The following WNK2 variants were observed in gnomAD, a reference collection of about 807,000 sequenced individuals.
The protein encoded by WNK2 is serine/threonine-protein kinase WNK2.
Under a neutral mutation model 192.1 loss-of-function variants are expected in WNK2, and 67 were observed. The ratio of observed to expected loss-of-function variants is 0.35; its 90% CI spans 0.29 to 0.43. The LOEUF is 0.43. WNK2 is among the 20% of genes least tolerant of loss of function. The pLI is 1.00. For missense variants in WNK2, 2,698 were observed against 3,089.7 expected, an observed-to-expected ratio of 0.87 and a Z score of 3.01; for synonymous variants, 1,439 against 1,393.9, an observed-to-expected ratio of 1.03 and a Z score of -0.72.
chr9:93,211,145 C>CTCAT (rs1345936691), intron 2 of WNK2, among the ~76,000 whole-genome samples: 36 of 151,656 alleles, frequency 2.4e-4, no homozygotes, highest in Admixed American at 4.6e-4. Context: ...CATCCACTCA[C>CTCAT]TTATTCACTC....
Position 93,215,391 on chromosome 9 carries a change from C to T in WNK2, c.682-14305C>T, listed in dbSNP as rs191124652. ...TCCCATAGTGCTGGGATTACAGGCG[C>T]ATGAGCCACTGCACCTGGCCTTATT... On this transcript the variant is annotated intron_variant, in intron 2 of 29. Coordinates refer to ENST00000427277, the MANE Select transcript of WNK2 (RefSeq NM_006648.4). Among the ~76,000 whole-genome samples, 151 of 152,210 alleles carry T rather than the reference C, an allele frequency of 9.9e-4. 1 individual carries two copies. The highest frequency in any genetic ancestry group is 3.4e-3 in the Middle Eastern group (1 of 294).
At chr9:93,250,070 C>T (rs770781396) in intron 8 of WNK2, among the ~76,000 whole-genome samples, 18 of 151,870 alleles carry the variant, frequency 1.2e-4, no homozygotes, top group Non-Finnish European at 1.9e-4. Flanking sequence ...TGTGCCACCA[C>T]GCCCAGCTAA....
rs567016621 is a variant in WNK2, at chr9:93,280,687, T to C, written c.4034-8101T>C. Among the ~76,000 whole-genome samples, 19 of 152,336 alleles carry C rather than the reference T, an allele frequency of 1.2e-4. No homozygotes were observed. In the East Asian group the frequency reaches 3.7e-3, roughly 29 times the overall value. ...TTTCATCTTCATTGAAGTCAGATCC[T>C]TTCCCCAGGATTTGAGGCTGGGGCT... On this transcript the variant is annotated intron_variant, in intron 19 of 29. Coordinates refer to ENST00000427277, the MANE Select transcript of WNK2 (RefSeq NM_006648.4).
At position 93,298,047 on chromosome 9, in the gene WNK2, A is replaced by G; in HGVS notation, c.5903A>G (p.Lys1968Arg). The change falls in exon 24 of 30, where the codon AAG (lysine) becomes AGG (arginine). Residue 1968 changes from lysine to arginine, a missense_variant. By Grantham distance (26) the Lys-to-Arg change is conservative (BLOSUM62 2). Around this residue, in one of 7 missense-constraint regions of WNK2, gnomAD observed 1,098 missense variants for 1,101.0 expected, o/e 1.00. Transcript: ENST00000427277. ...CTAAATCCCCTGGTGCGGCAGCTCAAGGTCGTGGCCTCCAGCACAGGTCGG... is the reference window on the plus strand; with the variant it reads ...CTAAATCCCCTGGTGCGGCAGCTCAGGGTCGTGGCCTCCAGCACAGGTCGG... Reference protein sequence around the residue: ...KLLNPLVRQLKVVASSTGHLA... With the variant: ...KLLNPLVRQLRVVASSTGHLA... 1 of 1,550,932 alleles carries G rather than the reference A, an allele frequency of 6.4e-7. No individual in the cohort carries two copies. The highest frequency in any genetic ancestry group is 1.4e-5 in the African/African-American group (1 of 73,218).
At chr9:93,304,729 ACT>A (rs1375067047) in intron 26 of WNK2, among the ~76,000 whole-genome samples, 1 of 152,190 alleles carries the variant, frequency 6.6e-6, no homozygotes, top group East Asian at 1.9e-4. Flanking sequence ...GGAGAGGTGG[ACT>A]AAGGAGCCAC....
intron 14 of WNK2, among the ~76,000 whole-genome samples, chr9:93,263,057 A>G (rs1844554655): frequency 1.3e-5 from 2 of 152,186 alleles, no homozygotes; most frequent in African/African-American, 4.8e-5. Flanking sequence ...CCCTGTGTAC[A>G]GGGCTGAATC....
At chr9:93,293,712 G>A (rs1849751821) in intron 23 of WNK2, among the ~76,000 whole-genome samples, 1 of 152,108 alleles carries the variant, frequency 6.6e-6, no homozygotes, top group Admixed American at 6.5e-5. Flanking sequence ...TGGCTTCTCT[G>A]GGTGCCATGC....
chr9:93,191,258 C>T (rs571985513), intron 2 of WNK2, among the ~76,000 whole-genome samples: 27 of 152,222 alleles, frequency 1.8e-4, no homozygotes, highest in African/African-American at 6.0e-4. Flanking sequence ...TGATGGACAG[C>T]TAGCCAAAAG....
chr9:93,309,944 A>G (rs1853341264), intron 28 of WNK2, among the ~76,000 whole-genome samples: 3 of 152,194 alleles, frequency 2.0e-5, no homozygotes, highest in African/African-American at 4.8e-5. Flanking sequence ...ATTTGAAGTA[A>G]GTGTGGTTGT....
chr9:93,208,046 G>A (rs750235169), intron 2 of WNK2, among the ~76,000 whole-genome samples: 10 of 152,098 alleles, frequency 6.6e-5, no homozygotes, highest in Non-Finnish European at 1.0e-4. Context: ...CCCTGCCTCC[G>A]GTGCCTGGCT....
At chr9:93,256,781 T>G in intron 10 of WNK2, 167 bp from the exon 11 acceptor site, 1 of 702,942 alleles carries the variant, frequency 1.4e-6, no homozygotes, top group Middle Eastern at 4.0e-4. Context: ...TGTGTCTGAA[T>G]GTGTATACGT....
At chr9:93,304,580 G>A (rs996019908) in intron 26 of WNK2, among the ~76,000 whole-genome samples, 21 of 152,350 alleles carry the variant, frequency 1.4e-4, no homozygotes, top group African/African-American at 4.8e-4. Context: ...TTGTTCTCCC[G>A]TTGCTGCCTT....
intron 28 of WNK2, among the ~76,000 whole-genome samples, chr9:93,313,017 T>C (rs991841256): frequency 1.3e-5 from 2 of 152,246 alleles, no homozygotes; most frequent in Admixed American, 6.5e-5. Context: ...GTGTCAGTTA[T>C]TATTTTCAGC....
At chr9:93,319,379 G>A (rs1360538483) in intron 29 of WNK2, 19 of 985,444 alleles carry the variant, frequency 1.9e-5, no homozygotes, top group Admixed American at 6.1e-5. Context: ...CCCGGCAGGG[G>A]TCTGAGAGCA....
At chr9:93,258,521 T>C (rs1843670378) in intron 11 of WNK2, among the ~76,000 whole-genome samples, 1 of 152,152 alleles carries the variant, frequency 6.6e-6, no homozygotes, top group Non-Finnish European at 1.5e-5. Context: ...ATGAAAATGC[T>C]CCAGGGCTCT....
At chr9:93,274,535 AAAAG>A (rs1447212986) in intron 19 of WNK2, among the ~76,000 whole-genome samples, 1 of 151,852 alleles carries the variant, frequency 6.6e-6, no homozygotes, top group African/African-American at 2.4e-5. Context: ...AAAAAAAAAA[AAAAG>A]AAAAAAAACA....
At chr9:93,311,694 T>G (rs1853686864) in intron 28 of WNK2, among the ~76,000 whole-genome samples, 1 of 151,618 alleles carries the variant, frequency 6.6e-6, no homozygotes. Context: ...GACACGATCT[T>G]GGCTCACTGT....
At chr9:93,186,160 C>A (rs998660732) in intron 2 of WNK2, among the ~76,000 whole-genome samples, 18 of 152,186 alleles carry the variant, frequency 1.2e-4, no homozygotes, top group African/African-American at 3.9e-4. Flanking sequence ...GCCTGTGACC[C>A]AGAGGTGGTG....
chr9:93,190,993 G>C (rs1386509398), intron 2 of WNK2, among the ~76,000 whole-genome samples: 2 of 152,210 alleles, frequency 1.3e-5, no homozygotes, highest in Non-Finnish European at 2.9e-5. Context: ...GGCTGGAAGA[G>C]GCCAAGGAGG....
Sources: allele counts gnomAD v4.1 joint callset (sites outside exome capture counted in the v4.1 genomes callset), GRCh38; gene constraint gnomAD v4.1.1; regional missense constraint gnomAD v4.1.1; transcripts MANE v1.5; gene names NCBI Gene and HGNC (gene_info 2026-07-23, HGNC 2026-07-21).